The following C7 variants were observed in gnomAD, a reference collection of about 807,000 sequenced individuals.
C7 encodes complement C7, also known as complement component C7.
In C7, 83 loss-of-function variants were observed where a neutral mutation model predicts 104.8. The observed-to-expected ratio is 0.79, with a 90% CI of 0.66 to 0.95. The LOEUF (loss-of-function observed/expected upper bound fraction) is 0.95. Ranked by LOEUF, C7 falls within the 40% of genes least tolerant of loss-of-function variation. The pLI, the probability that C7 is intolerant of heterozygous loss-of-function variation, is 0.00. For missense variants in C7, 1,070 were observed against 1,011.2 expected (o/e 1.06, Z -0.79); for synonymous variants, 415 against 360.6 (o/e 1.15, Z -1.71).
Position 40,950,420 on chromosome 5 carries a change from T to C in C7, c.1093+406T>C, listed in dbSNP as rs193165729. On this transcript the variant is annotated intron_variant, in intron 9 of 17. Coordinates refer to ENST00000313164, the MANE Select transcript of C7 (RefSeq NM_000587.4). ...TATGGCTCCATAGTATTCTATGGTG[T>C]ATATGCACCACACTTTATCCAGTTT... Among the ~76,000 whole-genome samples, 3 of 152,314 alleles carry C rather than the reference T, an allele frequency of 2.0e-5. No individual in the cohort carries two copies. In the East Asian group the frequency reaches 5.8e-4, roughly 29 times the overall value.
At position 40,919,824 on chromosome 5, in the gene C7, T is replaced by C. The variant is rs569577416; in HGVS notation, c.7-8756T>C. 1.6e-4 allele frequency among the ~76,000 whole-genome samples: 25 copies of C among 151,966 alleles called. 1 individual carries two copies. Among genetic ancestry groups the C allele is most frequent in the African/African-American group, 6.0e-4 (25 of 41,476 alleles). The stretch of plus-strand genomic sequence containing the variant: ...ATGGAAACACAACATAGCAAACATA[T>C]GGGATACAGCAAAAACAGTTCAAAG... On this transcript the variant is annotated intron_variant, in intron 1 of 17. Coordinates refer to ENST00000313164, the MANE Select transcript of C7 (RefSeq NM_000587.4).
chr5:40,931,198 C>A, intron 3 of C7, 59 bp downstream of exon 3: 1 of 1,244,596 alleles, frequency 8.0e-7, no homozygotes, highest in Non-Finnish European at 1.2e-6. Flanking sequence ...TTGGCATGGC[C>A]AAAATGGTAT....
chr5:40,952,476 C>A (rs1212605112), intron 9 of C7, among the ~76,000 whole-genome samples: 2 of 107,970 alleles, frequency 1.9e-5, no homozygotes, highest in Non-Finnish European at 4.2e-5. Context: ...ATCTGTAATT[C>A]TTTTTATTTA....
chr5:40,909,607 A>G lies in C7; in HGVS notation c.-4A>G. ...TCTCTTCTGCCCTGAATGTTTTCCC[A>G]AACATGAAGGTAAGACAATAAATTC... On this transcript the variant is annotated 5_prime_UTR_variant, in exon 1 of 18. Coordinates refer to ENST00000313164, the MANE Select transcript of C7 (RefSeq NM_000587.4). The G allele has an allele frequency of 6.4e-7, 1 of 1,566,788 alleles. No homozygotes were observed.
chr5:40,955,295 T>C (rs1740264228), intron 9 of C7, 92 bp from the exon 10 acceptor site: 10 of 1,175,506 alleles, frequency 8.5e-6, no homozygotes, highest in Middle Eastern at 2.0e-4. Flanking sequence ...ACTGTTTCCA[T>C]AGTTTGGCTT....
chr5:40,923,693 C>T (rs1404402063), intron 1 of C7, among the ~76,000 whole-genome samples: 2 of 151,562 alleles, frequency 1.3e-5, no homozygotes, highest in East Asian at 3.9e-4. Context: ...TTGCAGTGAG[C>T]CGAGATTGTG....
At chr5:40,954,742 G>C (rs1311841708) in intron 9 of C7, 1 of 158,424 alleles carries the variant, frequency 6.3e-6, no homozygotes, top group Non-Finnish European at 1.4e-5. Context: ...AAATTAGCCA[G>C]GTGTGGTGGC....
At chr5:40,910,386 C>T (rs1739181607) in intron 1 of C7, among the ~76,000 whole-genome samples, 1 of 152,046 alleles carries the variant, frequency 6.6e-6, no homozygotes, top group Non-Finnish European at 1.5e-5. Flanking sequence ...GGAATAATTT[C>T]ACAGATCTGT....
chr5:40,976,329 G>A (rs918401613), intron 15 of C7, among the ~76,000 whole-genome samples: 6 of 152,154 alleles, frequency 3.9e-5, no homozygotes, highest in Non-Finnish European at 7.3e-5. Flanking sequence ...TTCTTGAAAG[G>A]GAGCCACTTT....
At chr5:40,954,200 G>A (rs2053879) in intron 9 of C7, among the ~76,000 whole-genome samples, 10,661 of 152,132 alleles carry the variant, frequency 0.07, 505 homozygotes, top group South Asian at 0.18. Flanking sequence ...TATACCAGAT[G>A]CAATAAACTG....
rs183574646 is a variant in C7 at position 40,971,556 on chromosome 5, A to G, written c.1883-847A>G. On this transcript the variant is annotated intron_variant, in intron 14 of 17. Coordinates refer to ENST00000313164, the MANE Select transcript of C7 (RefSeq NM_000587.4). ...TAGGTTGCCTGTTTACTCTGATGAT[A>G]GTTTCTTTTGCTGAGCAGAAGCTCT... is the stretch of plus-strand genomic sequence containing the variant. Among the ~76,000 whole-genome samples, 239 of 152,276 alleles carry G rather than the reference A, an allele frequency of 1.6e-3. 1 individual carries two copies. The highest frequency in any genetic ancestry group is 5.5e-3 in the African/African-American group (229 of 41,542).
intron 3 of C7, among the ~76,000 whole-genome samples, chr5:40,933,103 C>CGAGTTCCAT (rs1739731201): frequency 6.6e-6 from 1 of 152,214 alleles, no homozygotes; most frequent in Non-Finnish European, 1.5e-5. Context: ...GAAACCTTAC[C>CGAGTTCCAT]GAGTTCCATT....
At chr5:40,954,136 A>G (rs1740236294) in intron 9 of C7, among the ~76,000 whole-genome samples, 1 of 152,144 alleles carries the variant, frequency 6.6e-6, no homozygotes, top group South Asian at 2.1e-4. Context: ...AACACTTTTC[A>G]TGCGTTAAGT....
At chr5:40,928,485 T>C in intron 1 of C7, 95 bp from the exon 2 acceptor site, 1 of 711,372 alleles carries the variant, frequency 1.4e-6, no homozygotes, top group Non-Finnish European at 2.4e-6. Context: ...AACATCACTT[T>C]GTACCCCATA....
intron 14 of C7, among the ~76,000 whole-genome samples, chr5:40,968,573 TATATATA>T (rs1446856180): frequency 3.7e-5 from 2 of 54,598 alleles, no homozygotes; most frequent in South Asian, 1.3e-3. Context: ...ATATTTTATA[TATATATA>T]TATATATATA....
At chr5:40,917,153 AAG>A (rs1442419823) in intron 1 of C7, among the ~76,000 whole-genome samples, 1 of 151,810 alleles carries the variant, frequency 6.6e-6, no homozygotes, top group Admixed American at 6.6e-5. Context: ...AAAAAAGAAA[AAG>A]AATATAATAT....
At chr5:40,974,874 A>G (rs987959159) in intron 15 of C7, among the ~76,000 whole-genome samples, 1 of 152,146 alleles carries the variant, frequency 6.6e-6, no homozygotes, top group Non-Finnish European at 1.5e-5. Flanking sequence ...CCTCAACGCT[A>G]TTGGAATTTT....
intron 6 of C7, among the ~76,000 whole-genome samples, chr5:40,938,130 C>T (rs1739855495): frequency 6.6e-6 from 1 of 152,014 alleles, no homozygotes; most frequent in Non-Finnish European, 1.5e-5. Context: ...AAGAAAACTG[C>T]CCTTATATGC....
Position 40,976,841 on chromosome 5 carries a change from G to T in C7, c.2165+1G>T. Reference sequence around the variant, plus strand: ...TTTGTAAAATGCCCTACGAATGTGGGTAAGTGCCGCCTTTGCTCATTTCTC... The same window carrying T: ...TTTGTAAAATGCCCTACGAATGTGGTTAAGTGCCGCCTTTGCTCATTTCTC... On this transcript the variant is annotated splice_donor_variant, in intron 16 of 17. Coordinates refer to ENST00000313164, the MANE Select transcript of C7 (RefSeq NM_000587.4). LOFTEE classifies it high-confidence loss of function. 6.3e-7 allele frequency: 1 copy of T among 1,594,716 alleles called. No homozygotes were observed. Among genetic ancestry groups the T allele is most frequent in the South Asian group, 1.1e-5 (1 of 87,604 alleles).
Sources: gnomAD v4.1 joint callset for allele counts (sites outside exome capture counted in the v4.1 genomes callset) on GRCh38, gnomAD v4.1.1 for gene constraint, MANE v1.5 for transcripts, NCBI Gene and HGNC (gene_info 2026-07-23, HGNC 2026-07-21) for gene names.